FUT8: variants seen among roughly 807,000 people sequenced by gnomAD.
FUT8 encodes the protein alpha-(1,6)-fucosyltransferase.
In FUT8, 29 loss-of-function variants were observed where a neutral mutation model predicts 71.3. The observed-to-expected ratio is 0.41, with a 90% CI of 0.30 to 0.55. The LOEUF is 0.55. Among genes scored for constraint, FUT8 ranks in the 20% least tolerant of loss-of-function variants. The pLI is 0.34. For synonymous variants in FUT8, 254 were observed against 239.3 expected, an observed-to-expected ratio of 1.06 and a Z score of -0.57; for missense variants, 544 against 702.1, an observed-to-expected ratio of 0.77 and a Z score of 2.55.
intron 3 of FUT8, among the ~76,000 whole-genome samples, chr14:65,568,172 C>T (rs1396200433): frequency 6.6e-6 from 1 of 151,362 alleles, no homozygotes. Context: ...AGCATGTGTT[C>T]ATTTTATCAG....
intron 2 of FUT8, chr14:65,479,893 A>C (rs2066302825): frequency 6.6e-6 from 1 of 152,110 alleles, no homozygotes; most frequent in East Asian, 1.9e-4. Context: ...TTGTCTCATT[A>C]ATGTTATCTT....
intron 1 of FUT8, among the ~76,000 whole-genome samples, chr14:65,421,323 A>G (rs930056546): frequency 6.6e-6 from 1 of 152,106 alleles, no homozygotes; most frequent in Non-Finnish European, 1.5e-5. Flanking sequence ...AGGAGAAGGA[A>G]GCGGAGGAAT....
chr14:65,437,079 T>G (rs185409947), intron 1 of FUT8, among the ~76,000 whole-genome samples: 64 of 152,322 alleles, frequency 4.2e-4, no homozygotes, highest in Non-Finnish European at 1.2e-4. Context: ...TCATTCTTTA[T>G]CAGCAAAACA....
At chr14:65,573,973 T>G (rs1400007982) in intron 3 of FUT8, among the ~76,000 whole-genome samples, 1 of 152,166 alleles carries the variant, frequency 6.6e-6, no homozygotes, top group East Asian at 1.9e-4. Context: ...TTGCACAGTT[T>G]AGGTGGTGTC....
chr14:65,677,496 A>G (rs1384675789), intron 7 of FUT8, among the ~76,000 whole-genome samples: 5 of 152,200 alleles, frequency 3.3e-5, no homozygotes, highest in Non-Finnish European at 7.3e-5. Context: ...AGAAATTGCA[A>G]CTAGTGATAC....
At chr14:65,402,683 G>A in the FUT8 span, among the ~76,000 whole-genome samples, 1 of 151,696 alleles carries the variant, frequency 6.6e-6, no homozygotes, top group South Asian at 2.1e-4. Context: ...AAAAATTGTA[G>A]AGATGGGGTT....
intron 5 of FUT8, among the ~76,000 whole-genome samples, chr14:65,623,650 G>C (rs1395382401): frequency 6.6e-6 from 1 of 152,144 alleles, no homozygotes; most frequent in Non-Finnish European, 1.5e-5. Context: ...CCCAGGAGGC[G>C]GAGGTTGCAG....
At chr14:65,715,904 G>A (rs1481251143) in intron 7 of FUT8, among the ~76,000 whole-genome samples, 1 of 151,286 alleles carries the variant, frequency 6.6e-6, no homozygotes, top group Non-Finnish European at 1.5e-5. Context: ...TTGAGCCTGG[G>A]AGGCAGAGTC....
the FUT8 span, among the ~76,000 whole-genome samples, chr14:65,360,023 G>A: frequency 6.6e-6 from 1 of 152,106 alleles, no homozygotes; most frequent in African/African-American, 2.4e-5. Context: ...AGTAGAGACA[G>A]GGTTTCACCA....
intron 5 of FUT8, chr14:65,617,171 GA>G: frequency 1.3e-6 from 2 of 1,575,076 alleles, no homozygotes; most frequent in African/African-American, 1.4e-5. Flanking sequence ...CTGTGAAGAG[GA>G]AAAGAATTAC....
chr14:65,373,027 G>A, the FUT8 span, among the ~76,000 whole-genome samples: 1 of 152,022 alleles, frequency 6.6e-6, no homozygotes, highest in Non-Finnish European at 1.5e-5. Flanking sequence ...TTGAATTTCA[G>A]ATAAGTAATA....
chr14:65,584,476 A>T (rs546646573), intron 3 of FUT8, among the ~76,000 whole-genome samples: 22 of 152,220 alleles, frequency 1.4e-4, no homozygotes, highest in Non-Finnish European at 2.9e-4. Flanking sequence ...CTCCGCGCCC[A>T]GTCTGTTTAC....
At chr14:65,536,748 T>A (rs7153297) in intron 2 of FUT8, among the ~76,000 whole-genome samples, 52,851 of 151,992 alleles carry the variant, frequency 0.35, 11,432 homozygotes, top group Non-Finnish European at 0.48. Context: ...AATCTTCTTG[T>A]AAAGTATTTT....
chr14:65,703,866 A>C (rs1270696568), intron 7 of FUT8, among the ~76,000 whole-genome samples: 2 of 152,224 alleles, frequency 1.3e-5, no homozygotes, highest in East Asian at 1.9e-4. Context: ...TTAGCTATGC[A>C]ATACTAAATT....
intron 1 of FUT8, among the ~76,000 whole-genome samples, chr14:65,450,479 C>T (rs527879092): frequency 2.6e-5 from 4 of 152,228 alleles, no homozygotes; most frequent in East Asian, 1.9e-4. Context: ...GATCTTGTAA[C>T]GTTCGACTGA....
chr14:65,380,938 A>C, the FUT8 span, among the ~76,000 whole-genome samples: 3 of 152,216 alleles, frequency 2.0e-5, no homozygotes, highest in African/African-American at 7.2e-5. Context: ...CAAAGATAAT[A>C]ATAGGAGGGT....
chr14:65,527,164 A>G (rs573584001), intron 2 of FUT8, among the ~76,000 whole-genome samples: 7 of 152,278 alleles, frequency 4.6e-5, no homozygotes, highest in Non-Finnish European at 7.4e-5. Flanking sequence ...GTGTTTTCCA[A>G]CTTGGTTCCA....
At chr14:65,361,799 C>CAAAT in the FUT8 span, among the ~76,000 whole-genome samples, 250 of 147,084 alleles carry the variant, frequency 1.7e-3, no homozygotes, top group African/African-American at 6.3e-3. Flanking sequence ...AGAAAACAAA[C>CAAAT]AAACAAACAA....
At chr14:65,513,536 A>G (rs191105905) in intron 2 of FUT8, among the ~76,000 whole-genome samples, 2 of 152,252 alleles carry the variant, frequency 1.3e-5, no homozygotes, top group African/African-American at 4.8e-5. Flanking sequence ...TAGTGACCCT[A>G]CAGGGAATTA....
Sources: allele counts gnomAD v4.1 joint callset (sites outside exome capture counted in the v4.1 genomes callset), GRCh38; gene constraint gnomAD v4.1.1; transcripts MANE v1.5; gene names NCBI Gene and HGNC (gene_info 2026-07-23, HGNC 2026-07-21).